The following SPDYA variants were observed in gnomAD, a reference collection of about 807,000 sequenced individuals.
SPDYA encodes speedy protein A.
Under a neutral mutation model 36.7 loss-of-function variants are expected in SPDYA, and 11 were observed. That is an observed-to-expected ratio of 0.30 (90% confidence interval 0.19 to 0.50). SPDYA has a LOEUF of 0.50. SPDYA is among the 20% of genes least tolerant of loss of function. The pLI is 0.98. For missense variants in SPDYA, 287 were observed against 370.9 expected, an observed-to-expected ratio of 0.77 and a Z score of 1.86; for synonymous variants, 115 against 118.7, an observed-to-expected ratio of 0.97 and a Z score of 0.20.
chr2:28,816,105 C>T lies in SPDYA; in HGVS notation c.91C>T (p.Pro31Ser). The T allele has an allele frequency of 6.2e-7, 1 of 1,613,904 alleles. No homozygotes were observed. Among genetic ancestry groups the T allele is most frequent in the Non-Finnish European group, 8.5e-7 (1 of 1,179,950 alleles). Residue 31 changes from proline to serine, a missense_variant, in exon 3 of 8, where the codon CCC becomes TCC. By Grantham distance (74) the Pro-to-Ser change is moderately conservative (BLOSUM62 -1). Transcript: ENST00000334056. ...GSNRSHQPKK[P>S]ITLKRPICKD... is the part of the protein sequence containing the mutation. ...AAATAGATCACATCAGCCTAAAAAG[C>T]CCATTACTCTGAAGCGTCCTATTTG...
At chr2:28,847,556 G>A (rs1347135354) in intron 7 of SPDYA, among the ~76,000 whole-genome samples, 3 of 151,848 alleles carry the variant, frequency 2.0e-5, no homozygotes, top group Non-Finnish European at 4.4e-5. Context: ...GACCAGCCTG[G>A]CTAACATGGT....
intron 5 of SPDYA, among the ~76,000 whole-genome samples, chr2:28,825,903 A>G (rs1239121929): frequency 6.6e-6 from 1 of 151,658 alleles, no homozygotes; most frequent in Non-Finnish European, 1.5e-5. Flanking sequence ...ACACCCGGCT[A>G]ATTTTTTATT....
At chr2:28,836,996 G>T (rs1303961477) in intron 6 of SPDYA, among the ~76,000 whole-genome samples, 1 of 152,124 alleles carries the variant, frequency 6.6e-6, no homozygotes, top group Non-Finnish European at 1.5e-5. Context: ...CTCTATTCCC[G>T]TTAATACTCT....
intron 4 of SPDYA, 47 bp downstream of exon 4, chr2:28,819,153 TG>T (rs554365916): frequency 1.7e-4 from 235 of 1,389,958 alleles, no homozygotes; most frequent in Non-Finnish European, 2.2e-4. Context: ...ATAATGTAAC[TG>T]AACCATTAGA....
rs1339273017 is a variant in SPDYA at position 28,815,980 on chromosome 2, A to T, written c.-18-17A>T. On this transcript the variant is annotated splice_polypyrimidine_tract_variant and intron_variant, in intron 2 of 7. Coordinates refer to ENST00000334056, the MANE Select transcript of SPDYA (RefSeq NM_182756.4). The stretch of plus-strand genomic sequence containing the variant: ...ATGAATGTGTGTGATGAATAATTGT[A>T]TGTTTTATTTTTACAGGAATATTGG... 6.7e-7 allele frequency: 1 copy of T among 1,499,782 alleles called. No homozygotes were observed. The highest frequency in any genetic ancestry group is 9.2e-7 in the Non-Finnish European group (1 of 1,084,386). 92.9% of individuals were successfully genotyped at this position (1,499,782 alleles called of 1,614,324 possible).
intron 6 of SPDYA, among the ~76,000 whole-genome samples, chr2:28,838,511 C>G (rs1668668111): frequency 6.6e-6 from 1 of 152,066 alleles, no homozygotes; most frequent in South Asian, 2.1e-4. Flanking sequence ...AAATCTAGCT[C>G]TCTTGACCCT....
chr2:28,813,004 A>C (rs1191822231), intron 1 of SPDYA, among the ~76,000 whole-genome samples: 1 of 152,098 alleles, frequency 6.6e-6, no homozygotes, highest in Non-Finnish European at 1.5e-5. Context: ...CTTGCTCTAT[A>C]AGAACTCTCA....
At chr2:28,830,221 T>G (rs1668446778) in intron 6 of SPDYA, among the ~76,000 whole-genome samples, 1 of 94,570 alleles carries the variant, frequency 1.1e-5, no homozygotes, top group South Asian at 3.5e-4. Context: ...TTTTTTTTTT[T>G]GAGACAGAGT....
chr2:28,831,960 C>T (rs1047234310), intron 6 of SPDYA, among the ~76,000 whole-genome samples: 5 of 152,294 alleles, frequency 3.3e-5, no homozygotes, highest in Non-Finnish European at 7.3e-5. Context: ...CCCTTTCCAG[C>T]ATTTCACATT....
rs760704272 is a variant in SPDYA at position 28,850,270 on chromosome 2, T to C, written c.*329T>C. 45 of 1,605,496 alleles carry C rather than the reference T, an allele frequency of 2.8e-5. No individual in the cohort carries two copies. Among genetic ancestry groups the C allele is most frequent in the Non-Finnish European group, 3.8e-5 (45 of 1,174,762 alleles). On this transcript the variant is annotated 3_prime_UTR_variant, in exon 8 of 8. Coordinates refer to ENST00000334056, the MANE Select transcript of SPDYA (RefSeq NM_182756.4). ...AATTTAAGAGAAGAAAAACATAAAG[T>C]CATTATATTAATTAAAAGAAAAAAC...
At chr2:28,846,046 G>A (rs190194697) in intron 7 of SPDYA, among the ~76,000 whole-genome samples, 5 of 152,092 alleles carry the variant, frequency 3.3e-5, no homozygotes, top group Admixed American at 6.6e-5. Flanking sequence ...TCCCACAATC[G>A]CAGAACTATA....
At chr2:28,817,977 C>T (rs779540994) in intron 3 of SPDYA, among the ~76,000 whole-genome samples, 3 of 147,210 alleles carry the variant, frequency 2.0e-5, no homozygotes, top group Non-Finnish European at 4.5e-5. Context: ...CCTGGGGCAA[C>T]GTGGTGAAAC....
chr2:28,840,937 T>TG (rs1558331541), intron 7 of SPDYA: 8 of 267,792 alleles, frequency 3.0e-5, no homozygotes, highest in Admixed American at 2.7e-4. Flanking sequence ...CCAGTTTTTT[T>TG]TTTTTTTTTT....
intron 7 of SPDYA, among the ~76,000 whole-genome samples, chr2:28,848,651 T>TA (rs1668948360): frequency 6.6e-6 from 1 of 152,202 alleles, no homozygotes; most frequent in Non-Finnish European, 1.5e-5. Flanking sequence ...TGTTATTTAA[T>TA]AAAAAATTTA....
At chr2:28,836,299 C>T (rs563828712) in intron 6 of SPDYA, among the ~76,000 whole-genome samples, 2 of 152,234 alleles carry the variant, frequency 1.3e-5, no homozygotes, top group Admixed American at 6.5e-5. Flanking sequence ...ATAAACCTCT[C>T]ATATTGGTTA....
intron 7 of SPDYA, among the ~76,000 whole-genome samples, chr2:28,841,240 C>G (rs555467573): frequency 6.6e-5 from 10 of 151,936 alleles, no homozygotes; most frequent in Non-Finnish European, 1.2e-4. Context: ...AGGCCAAAAC[C>G]TGATTTTTAA....
intron 6 of SPDYA, among the ~76,000 whole-genome samples, chr2:28,831,326 C>G (rs979568371): frequency 1.3e-5 from 2 of 152,042 alleles, no homozygotes; most frequent in African/African-American, 4.8e-5. Flanking sequence ...CCACTGCCCT[C>G]CAGCCTCAGC....
intron 4 of SPDYA, among the ~76,000 whole-genome samples, chr2:28,821,789 A>G (rs1220119281): frequency 6.6e-6 from 1 of 152,214 alleles, no homozygotes; most frequent in East Asian, 1.9e-4. Context: ...TCTTTCTAAT[A>G]ATACATTTAA....
At chr2:28,840,929 AG>A (rs1229138303) in intron 7 of SPDYA, 58 of 163,968 alleles carry the variant, frequency 3.5e-4, no homozygotes, top group Non-Finnish European at 4.9e-4. Flanking sequence ...CTCCAAAACC[AG>A]TTTTTTTTTT....
Sources: gnomAD v4.1 joint callset for allele counts (sites outside exome capture counted in the v4.1 genomes callset) on GRCh38, gnomAD v4.1.1 for gene constraint, MANE v1.5 for transcripts, NCBI Gene and HGNC (gene_info 2026-07-23, HGNC 2026-07-21) for gene names.